LUZP2: variants seen among roughly 807,000 people sequenced by gnomAD.
LUZP2 encodes leucine zipper protein 2.
In LUZP2, 52 loss-of-function variants were observed where a neutral mutation model predicts 51.6. The observed-to-expected ratio is 1.01, with a 90% CI of 0.81 to 1.27. The LOEUF is 1.27. Ranked by LOEUF, LUZP2 falls within the 50% of genes most tolerant of loss-of-function variation. The pLI, the probability that LUZP2 is intolerant of heterozygous loss-of-function variation, is 0.00. For missense variants in LUZP2, 436 were observed against 395.4 expected, an observed-to-expected ratio of 1.10 and a Z score of -0.87; for synonymous variants, 154 against 137.3, an observed-to-expected ratio of 1.12 and a Z score of -0.85.
intron 1 of LUZP2, among the ~76,000 whole-genome samples, chr11:24,562,431 TTTCAA>T (rs1396608995): frequency 6.6e-6 from 1 of 151,298 alleles, no homozygotes; most frequent in African/African-American, 2.4e-5. Flanking sequence ...CTAATTTTTA[TTTCAA>T]TAGTAGATTC....
intron 1 of LUZP2, among the ~76,000 whole-genome samples, chr11:24,643,221 C>T (rs867672882): frequency 4.4e-4 from 52 of 117,364 alleles, no homozygotes; most frequent in Admixed American, 6.4e-4. Flanking sequence ...CCAGCCTGGC[C>T]AACATGGTGA....
chr11:24,947,862 T>C (rs1299382523), intron 7 of LUZP2, among the ~76,000 whole-genome samples: 1 of 151,904 alleles, frequency 6.6e-6, no homozygotes, highest in African/African-American at 2.4e-5. Flanking sequence ...TGCTAAGTTG[T>C]TTTCCTCTCG....
At chr11:24,789,409 T>G (rs1849342891) in intron 5 of LUZP2, among the ~76,000 whole-genome samples, 1 of 152,210 alleles carries the variant, frequency 6.6e-6, no homozygotes, top group Admixed American at 6.5e-5. Context: ...GATACTGGAT[T>G]ACCTCTTATA....
intron 1 of LUZP2, among the ~76,000 whole-genome samples, chr11:24,565,308 G>C (rs1471183532): frequency 6.6e-6 from 1 of 152,130 alleles, no homozygotes; most frequent in Non-Finnish European, 1.5e-5. Context: ...TTTTTGAATT[G>C]TCCTTTATAT....
intron 7 of LUZP2, among the ~76,000 whole-genome samples, chr11:24,941,229 C>A (rs1854737000): frequency 6.6e-6 from 1 of 152,110 alleles, no homozygotes; most frequent in Admixed American, 6.5e-5. Context: ...TAACTCATAT[C>A]ATAGTTAGGT....
At chr11:24,559,215 C>A (rs1200501576) in intron 1 of LUZP2, among the ~76,000 whole-genome samples, 5 of 151,662 alleles carry the variant, frequency 3.3e-5, no homozygotes, top group Non-Finnish European at 7.4e-5. Context: ...TAAGAAAAAA[C>A]AAGTAGATTT....
intron 1 of LUZP2, among the ~76,000 whole-genome samples, chr11:24,690,422 C>A (rs1857029666): frequency 6.6e-6 from 1 of 152,074 alleles, no homozygotes; most frequent in African/African-American, 2.4e-5. Flanking sequence ...GAGACCTAAG[C>A]TCTGGATCCT....
intron 1 of LUZP2, among the ~76,000 whole-genome samples, chr11:24,497,542 T>C (rs761948593): frequency 2.6e-5 from 4 of 152,178 alleles, no homozygotes; most frequent in Admixed American, 1.3e-4. Flanking sequence ...GATCAAAAGC[T>C]TTCTCTTCCG....
chr11:24,547,256 G>A (rs190587280), intron 1 of LUZP2, among the ~76,000 whole-genome samples: 1 of 151,148 alleles, frequency 6.6e-6, no homozygotes, highest in Non-Finnish European at 1.5e-5. Context: ...AGTTCAAATT[G>A]CCAAAGCAAT....
intron 5 of LUZP2, among the ~76,000 whole-genome samples, chr11:24,898,745 C>T (rs1160823340): frequency 6.6e-6 from 1 of 152,084 alleles, no homozygotes; most frequent in Non-Finnish European, 1.5e-5. Flanking sequence ...TTTCTAGTCT[C>T]ATATGAATAC....
At chr11:25,076,787 C>A (rs2134062797) in intron 10 of LUZP2, among the ~76,000 whole-genome samples, 1 of 145,360 alleles carries the variant, frequency 6.9e-6, no homozygotes, top group Non-Finnish European at 1.5e-5. Flanking sequence ...ACTTCATCTT[C>A]CTTTAAACTG....
At chr11:24,850,850 G>T (rs1851371099) in intron 5 of LUZP2, among the ~76,000 whole-genome samples, 1 of 152,128 alleles carries the variant, frequency 6.6e-6, no homozygotes, top group African/African-American at 2.4e-5. Flanking sequence ...CTTGTAAGTT[G>T]TATTCCTAGG....
intron 5 of LUZP2, among the ~76,000 whole-genome samples, chr11:24,808,373 C>T (rs1256329246): frequency 6.6e-6 from 1 of 152,084 alleles, no homozygotes; most frequent in African/African-American, 2.4e-5. Context: ...GAACTCGATT[C>T]TGAAGGTTGG....
intron 5 of LUZP2, among the ~76,000 whole-genome samples, chr11:24,848,270 C>T (rs552490846): frequency 6.6e-6 from 1 of 152,218 alleles, no homozygotes; most frequent in South Asian, 2.1e-4. Context: ...TAATCCAACT[C>T]CTTAGAGATA....
At chr11:25,014,702 C>T (rs1390790748) in intron 9 of LUZP2, among the ~76,000 whole-genome samples, 4 of 152,072 alleles carry the variant, frequency 2.6e-5, no homozygotes, top group Admixed American at 6.6e-5. Context: ...CTGTAGGTTA[C>T]CTGTTCACTC....
chr11:24,794,227 C>A (rs1849486937), intron 5 of LUZP2, among the ~76,000 whole-genome samples: 2 of 152,074 alleles, frequency 1.3e-5, no homozygotes, highest in South Asian at 4.1e-4. Context: ...AACAAAAATT[C>A]AAGGGTTCAT....
intron 1 of LUZP2, among the ~76,000 whole-genome samples, chr11:24,529,302 T>G (rs915818792): frequency 1.3e-5 from 2 of 151,052 alleles, no homozygotes; most frequent in Non-Finnish European, 3.0e-5. Context: ...CATATATCCA[T>G]GTATATATTG....
At chr11:24,764,226 C>T (rs917148503) in intron 5 of LUZP2, among the ~76,000 whole-genome samples, 3 of 152,120 alleles carry the variant, frequency 2.0e-5, no homozygotes, top group African/African-American at 7.2e-5. Context: ...CACACACAAT[C>T]AGCAATATGA....
chr11:24,513,476 TA>T (rs1850373104), intron 1 of LUZP2, among the ~76,000 whole-genome samples: 1 of 152,328 alleles, frequency 6.6e-6, no homozygotes, highest in South Asian at 2.1e-4. Flanking sequence ...TATTTTCAGA[TA>T]TTATGAAAAC....
Sources: allele counts gnomAD v4.1 joint callset (sites outside exome capture counted in the v4.1 genomes callset), GRCh38; gene constraint gnomAD v4.1.1; transcripts MANE v1.5; gene names NCBI Gene and HGNC (gene_info 2026-07-23, HGNC 2026-07-21).